VAV3: variants seen among roughly 807,000 people sequenced by gnomAD.
VAV3 encodes vav guanine nucleotide exchange factor 3, also known as guanine nucleotide exchange factor VAV3.
A neutral mutation model predicts 131.2 loss-of-function variants in VAV3; 94 were observed. The ratio of observed to expected loss-of-function variants is 0.72; its 90% CI spans 0.61 to 0.85. The LOEUF (loss-of-function observed/expected upper bound fraction) is 0.85, where lower values mean the gene tolerates loss of function less well. VAV3 is among the 40% of genes least tolerant of loss of function. VAV3 has a pLI of 0.00. For synonymous variants in VAV3, 349 were observed against 342.0 expected, an observed-to-expected ratio of 1.02 and a Z score of -0.22; for missense variants, 939 against 1,002.7, an observed-to-expected ratio of 0.94 and a Z score of 0.86.
intron 2 of VAV3, among the ~76,000 whole-genome samples, chr1:107,805,618 G>T (rs1418038341): frequency 6.6e-6 from 1 of 152,058 alleles, no homozygotes; most frequent in Non-Finnish European, 1.5e-5. Flanking sequence ...TTGAATTCTT[G>T]TTCAGAGAGC....
chr1:107,648,680 C>T (rs1655921615), intron 19 of VAV3, among the ~76,000 whole-genome samples: 1 of 151,998 alleles, frequency 6.6e-6, no homozygotes, highest in Non-Finnish European at 1.5e-5. Context: ...CTAGTCTAAC[C>T]ACCTTATTTG....
intron 1 of VAV3, among the ~76,000 whole-genome samples, chr1:107,932,790 AAAG>A (rs1430432797): frequency 1.3e-5 from 2 of 152,208 alleles, no homozygotes; most frequent in Admixed American, 6.5e-5. Context: ...TTTGAAGGAT[AAAG>A]AAGGGGCCAC....
At chr1:107,821,573 T>C (rs1667793094) in intron 2 of VAV3, among the ~76,000 whole-genome samples, 1 of 152,098 alleles carries the variant, frequency 6.6e-6, no homozygotes, top group Non-Finnish European at 1.5e-5. Flanking sequence ...TGGGAGAAAG[T>C]GTGTGGCGTG....
intron 25 of VAV3, among the ~76,000 whole-genome samples, chr1:107,588,707 A>G (rs1650697928): frequency 6.6e-6 from 1 of 152,236 alleles, no homozygotes. Flanking sequence ...CTGTTTGACA[A>G]AAGAAATCTT....
At chr1:107,641,756 G>A (rs17019588) in intron 20 of VAV3, among the ~76,000 whole-genome samples, 2 of 152,096 alleles carry the variant, frequency 1.3e-5, no homozygotes, top group Non-Finnish European at 2.9e-5. Flanking sequence ...GAAGTGAACT[G>A]TTAATATATT....
intron 15 of VAV3, among the ~76,000 whole-genome samples, chr1:107,706,446 G>A (rs892980219): frequency 6.6e-6 from 1 of 152,106 alleles, no homozygotes; most frequent in African/African-American, 2.4e-5. Context: ...AAATATTAGT[G>A]CCATCTGGGA....
rs66866060 is a variant in VAV3 at position 107,866,822 on chromosome 1, C to CAAAAA, written c.321+8074_321+8078dup. Among the ~76,000 whole-genome samples, 79 of 59,202 alleles carry CAAAAA rather than the reference C, an allele frequency of 1.3e-3. 4 individuals are homozygous for CAAAAA. The highest frequency in any genetic ancestry group is 9.8e-3 in the Middle Eastern group (1 of 102). The allele number at this position is 59,202 out of a possible 152,430, so 38.8% of individuals were successfully genotyped here. A position where few individuals can be genotyped will look rare whatever the true frequency, so the allele number is the denominator to read the frequency against. On this transcript the variant is annotated intron_variant, in intron 2 of 26. Coordinates refer to ENST00000370056, the MANE Select transcript of VAV3 (RefSeq NM_006113.5). Reference sequence around the variant, plus strand: ...TGGGCAAAAGAGCGAGACTCCATCTCAAAAAAAAAAAAAAAAAAAAAAAAA... The same window carrying CAAAAA: ...TGGGCAAAAGAGCGAGACTCCATCTCAAAAAAAAAAAAAAAAAAAAAAAAAAAAAA...
chr1:107,946,678 G>A (rs1290626845), intron 1 of VAV3, among the ~76,000 whole-genome samples: 2 of 152,156 alleles, frequency 1.3e-5, no homozygotes, highest in African/African-American at 4.8e-5. Context: ...CACAAATAAG[G>A]AGCATATTAA....
intron 21 of VAV3, among the ~76,000 whole-genome samples, chr1:107,611,344 A>T (rs540578122): frequency 6.6e-6 from 1 of 152,288 alleles, no homozygotes; most frequent in African/African-American, 2.4e-5. Flanking sequence ...TTTTAAAATC[A>T]CAACTTTGTA....
At chr1:107,738,073 G>A (rs1216161711) in intron 15 of VAV3, among the ~76,000 whole-genome samples, 1 of 152,196 alleles carries the variant, frequency 6.6e-6, no homozygotes, top group Admixed American at 6.5e-5. Context: ...GGATGAAGCT[G>A]GAGCCATCAT....
At chr1:107,672,964 T>G (rs1264464476) in intron 19 of VAV3, among the ~76,000 whole-genome samples, 3 of 152,306 alleles carry the variant, frequency 2.0e-5, no homozygotes, top group Admixed American at 2.0e-4. Flanking sequence ...TTCTAAAAGG[T>G]AAATTTGGCA....
chr1:107,576,167 T>C (rs534926982), intron 25 of VAV3, among the ~76,000 whole-genome samples: 1 of 151,990 alleles, frequency 6.6e-6, no homozygotes, highest in South Asian at 2.1e-4. Flanking sequence ...ACAGATAAAT[T>C]ATAGAATGTC....
At chr1:107,843,874 C>G (rs1331313151) in intron 2 of VAV3, among the ~76,000 whole-genome samples, 2 of 152,034 alleles carry the variant, frequency 1.3e-5, no homozygotes. Context: ...GAAGATGATT[C>G]TTCCTGGAAA....
chr1:107,712,538 G>T (rs1395871055), intron 15 of VAV3, among the ~76,000 whole-genome samples: 4 of 152,166 alleles, frequency 2.6e-5, no homozygotes, highest in Admixed American at 2.6e-4. Flanking sequence ...TATTAAATTT[G>T]TATGGGACTG....
intron 20 of VAV3, among the ~76,000 whole-genome samples, chr1:107,631,335 G>C (rs1241663885): frequency 6.6e-6 from 1 of 151,886 alleles, no homozygotes; most frequent in Admixed American, 6.6e-5. Context: ...AGCAGAGTCA[G>C]CTAACTGTTC....
intron 15 of VAV3, among the ~76,000 whole-genome samples, chr1:107,711,711 CT>C (rs981218082): frequency 4.0e-5 from 6 of 149,568 alleles, no homozygotes; most frequent in Admixed American, 6.7e-5. Context: ...CGTAAGTAGT[CT>C]TTTTTTTTTG....
intron 20 of VAV3, among the ~76,000 whole-genome samples, chr1:107,632,716 T>A (rs903983287): frequency 6.6e-6 from 1 of 152,234 alleles, no homozygotes; most frequent in African/African-American, 2.4e-5. Context: ...TAGGAACTGA[T>A]AATTGAAGTG....
intron 10 of VAV3, among the ~76,000 whole-genome samples, chr1:107,757,761 A>C (rs1664195534): frequency 6.6e-6 from 1 of 152,108 alleles, no homozygotes; most frequent in African/African-American, 2.4e-5. Flanking sequence ...TCATCTGTCC[A>C]TCCTAAATTT....
chr1:107,756,551 G>C (rs1664108663), intron 11 of VAV3, among the ~76,000 whole-genome samples: 2 of 152,080 alleles, frequency 1.3e-5, no homozygotes, highest in African/African-American at 4.8e-5. Flanking sequence ...GCACTGCTCT[G>C]AGCAGGGTCA....
Sources: gnomAD v4.1 joint callset for allele counts (sites outside exome capture counted in the v4.1 genomes callset) on GRCh38, gnomAD v4.1.1 for gene constraint, MANE v1.5 for transcripts, NCBI Gene and HGNC (gene_info 2026-07-23, HGNC 2026-07-21) for gene names.